Variants in PLEKHH2 observed in about 807,000 individuals in gnomAD.
The protein encoded by PLEKHH2 is pleckstrin homology, MyTH4 and FERM domain containing H2, also known as pleckstrin homology domain-containing family H member 2.
PLEKHH2 carries 129 observed loss-of-function variants against 187.9 expected under a neutral mutation model. The ratio of observed to expected loss-of-function variants is 0.69; its 90% CI spans 0.59 to 0.79. The LOEUF (loss-of-function observed/expected upper bound fraction) is 0.79. Ranked by LOEUF, PLEKHH2 falls within the 30% of genes least tolerant of loss-of-function variation. The pLI is 0.00. For synonymous variants in PLEKHH2, 686 were observed against 605.6 expected (o/e 1.13, Z -1.95); for missense variants, 2,076 against 1,751.2 (o/e 1.19, Z -3.31).
chr2:43,751,376 C>A (rs1010133396), intron 24 of PLEKHH2, among the ~76,000 whole-genome samples: 5 of 152,048 alleles, frequency 3.3e-5, no homozygotes, highest in Admixed American at 2.6e-4. Flanking sequence ...GAAGGGTGAA[C>A]AGAGAGAGAT....
intron 7 of PLEKHH2, 140 bp downstream of exon 7, chr2:43,697,496 A>G: frequency 1.4e-6 from 1 of 694,668 alleles, no homozygotes; most frequent in South Asian, 2.7e-5. Flanking sequence ...CTAAAGAGCA[A>G]TACAACATTT....
At chr2:43,718,847 CAT>C (rs1264827760) in intron 15 of PLEKHH2, among the ~76,000 whole-genome samples, 2 of 152,112 alleles carry the variant, frequency 1.3e-5, no homozygotes, top group Admixed American at 1.3e-4. Flanking sequence ...TAAATTGAAA[CAT>C]GTCTCAAATG....
chr2:43,675,901 G>A, intron 2 of PLEKHH2: 1 of 1,614,120 alleles, frequency 6.2e-7, no homozygotes, highest in East Asian at 2.2e-5. Flanking sequence ...AGTGGGAAGT[G>A]CAAGGAAGAA....
At chr2:43,654,715 C>A (rs1437248132) in intron 2 of PLEKHH2, among the ~76,000 whole-genome samples, 2 of 136,154 alleles carry the variant, frequency 1.5e-5, no homozygotes, top group South Asian at 2.5e-4. Context: ...CCCCCCCCCC[C>A]CGCATCTCTA....
intron 14 of PLEKHH2, 41 bp downstream of exon 14, chr2:43,710,616 G>A (rs769266824): frequency 1.8e-6 from 2 of 1,088,212 alleles, no homozygotes; most frequent in Admixed American, 3.0e-5. Flanking sequence ...TTTGTATCAT[G>A]CCAGACTCAA....
chr2:43,644,938 A>G (rs1666116286), intron 2 of PLEKHH2, 142 bp downstream of exon 2: 3 of 959,910 alleles, frequency 3.1e-6, no homozygotes, highest in African/African-American at 3.4e-5. Flanking sequence ...TTCTTTTGCC[A>G]GTGTTAGGGT....
intron 2 of PLEKHH2, among the ~76,000 whole-genome samples, chr2:43,659,072 A>G (rs2104374099): frequency 6.7e-6 from 1 of 149,210 alleles, no homozygotes; most frequent in African/African-American, 2.5e-5. Context: ...TCCTGGGCTG[A>G]AGCGATCCTC....
intron 16 of PLEKHH2, among the ~76,000 whole-genome samples, chr2:43,724,825 C>G (rs1211469272): frequency 6.6e-6 from 1 of 152,120 alleles, no homozygotes; most frequent in Non-Finnish European, 1.5e-5. Context: ...AGTCAAATGA[C>G]TGTTTTGGTG....
chr2:43,754,199 C>CAA lies in PLEKHH2; in HGVS notation c.3795+440_3795+441insAA, dbSNP rs748378945. 8.3e-3 allele frequency among the ~76,000 whole-genome samples: 958 copies of CAA among 115,560 alleles called. 16 individuals are homozygous for CAA. Among genetic ancestry groups the CAA allele is most frequent in the African/African-American group, 0.038 (905 of 24,034 alleles). 75.8% of individuals were successfully genotyped at this position (115,560 alleles called of 152,430 possible). On this transcript the variant is annotated intron_variant, in intron 25 of 29. Coordinates refer to ENST00000282406, the MANE Select transcript of PLEKHH2 (RefSeq NM_172069.4). ...ACACACACACACACACACACACACA[C>CAA]ACACACAAAATTAATACTGACTTAA...
intron 24 of PLEKHH2, 113 bp downstream of exon 24, chr2:43,746,076 G>C (rs1013869031): frequency 3.3e-6 from 2 of 599,170 alleles, no homozygotes; most frequent in South Asian, 1.1e-4. Context: ...TTGTAAGTTT[G>C]TCTTTCTATA....
chr2:43,744,136 G>T, intron 23 of PLEKHH2, 147 bp downstream of exon 23: 4 of 1,396,578 alleles, frequency 2.9e-6, no homozygotes, highest in East Asian at 2.5e-5. Context: ...AAAAAAAAAT[G>T]CAGGACTTTG....
At chr2:43,730,742 G>C (rs1239566801) in intron 18 of PLEKHH2, among the ~76,000 whole-genome samples, 1 of 152,166 alleles carries the variant, frequency 6.6e-6, no homozygotes, top group Admixed American at 6.6e-5. Flanking sequence ...TGAGAGACTA[G>C]ATTCTATCCT....
chr2:43,732,620 C>A (rs1671094976), intron 19 of PLEKHH2, among the ~76,000 whole-genome samples: 1 of 152,172 alleles, frequency 6.6e-6, no homozygotes. Context: ...AGAATCCTAG[C>A]CTACAAGCTC....
Position 43,700,304 on chromosome 2 carries a change from T to C in PLEKHH2, c.1346T>C (p.Ile449Thr). The C allele has an allele frequency of 6.2e-7, 1 of 1,614,168 alleles. No individual in the cohort carries two copies. Among genetic ancestry groups the C allele is most frequent in the East Asian group, 2.2e-5 (1 of 44,886 alleles). ...TTAAGGATTCCTAATGTTTTCAGTA[T>C]AAGTGTAGCACTAGCCAAAAGGCAC... ...PKLRIPNVFS[I>T]SVALAKRHLS... The change falls in exon 8 of 30, where the codon ATA (isoleucine) becomes ACA (threonine). Residue 449 changes from isoleucine to threonine, a missense_variant. Transcript: ENST00000282406.
chr2:43,678,111 CG>C (rs1323557509), intron 2 of PLEKHH2, among the ~76,000 whole-genome samples: 4 of 146,352 alleles, frequency 2.7e-5, no homozygotes, highest in African/African-American at 1.0e-4. Flanking sequence ...CATTCCAGAC[CG>C]GGCGGCGGGG....
chr2:43,759,761 AC>A (rs1204603393), intron 27 of PLEKHH2, among the ~76,000 whole-genome samples: 3 of 152,212 alleles, frequency 2.0e-5, no homozygotes, highest in Non-Finnish European at 4.4e-5. Context: ...TTCCTCTTGT[AC>A]CTACTGTAGT....
intron 25 of PLEKHH2, among the ~76,000 whole-genome samples, chr2:43,754,686 T>A (rs1200709598): frequency 1.3e-5 from 2 of 152,170 alleles, no homozygotes; most frequent in Admixed American, 6.5e-5. Flanking sequence ...TTAAAGCAAC[T>A]CTGCCATATG....
At chr2:43,707,573 C>T in intron 11 of PLEKHH2, 28 bp downstream of exon 11, 2 of 1,612,500 alleles carry the variant, frequency 1.2e-6, no homozygotes, top group Non-Finnish European at 1.7e-6. Context: ...GCATATGAGG[C>T]AACTCCAGAT....
intron 2 of PLEKHH2, among the ~76,000 whole-genome samples, chr2:43,674,519 AG>A (rs1224827390): frequency 6.6e-6 from 1 of 152,238 alleles, no homozygotes; most frequent in Non-Finnish European, 1.5e-5. Flanking sequence ...AGTCTAAACA[AG>A]TAATTCAACA....
Sources: gnomAD v4.1 joint callset for allele counts (sites outside exome capture counted in the v4.1 genomes callset) on GRCh38, gnomAD v4.1.1 for gene constraint, MANE v1.5 for transcripts, NCBI Gene and HGNC (gene_info 2026-07-23, HGNC 2026-07-21) for gene names.